ITPRIP: variants seen among roughly 807,000 people sequenced by gnomAD.
The protein encoded by ITPRIP is inositol 1,4,5-trisphosphate receptor interacting protein.
In ITPRIP, 32 loss-of-function variants were observed where a neutral mutation model predicts 35.8. The ratio of observed to expected loss-of-function variants is 0.89; its 90% CI spans 0.68 to 1.20. The LOEUF is 1.20. ITPRIP is among the 50% of genes most tolerant of loss of function. The pLI is 0.00. For missense variants in ITPRIP, 653 were observed against 735.6 expected (o/e 0.89, Z 1.30); for synonymous variants, 358 against 324.0 (o/e 1.11, Z -1.13).
intron 1 of ITPRIP, among the ~76,000 whole-genome samples, chr10:104,336,496 G>T (rs866492707): frequency 0.045 from 3,049 of 67,814 alleles, 57 homozygotes; most frequent in Non-Finnish European, 0.052. Context: ...TTTTTTTTTG[G>T]GGGGGGGGGG....
At position 104,313,800 on chromosome 10, in the gene ITPRIP, G is replaced by A. The variant is rs572465343; in HGVS notation, c.*608C>T. On this transcript the variant is annotated 3_prime_UTR_variant, in exon 2 of 2. Coordinates refer to ENST00000337478, the MANE Select transcript of ITPRIP (RefSeq NM_001272013.2). ...GTACCCATTTCCGTGTGACAGAGAC[G>A]TTAGTCATTTGGGCCTCGAATTTAT... The A allele has an allele frequency of 3.9e-5, 38 of 985,596 alleles. No homozygotes were observed. The highest frequency in any genetic ancestry group is 3.4e-4 in the East Asian group (3 of 8,820). 61.1% of individuals were successfully genotyped at this position (985,596 alleles called of 1,614,324 possible).
Position 104,328,158 on chromosome 10 carries a change from G to A in ITPRIP, c.-14+10088C>T, listed in dbSNP as rs1004764861. On this transcript the variant is annotated intron_variant, in intron 1 of 1. Transcript: ENST00000337478. The surrounding 1 kb of genome is among the most constrained non-coding windows in gnomAD (Gnocchi z 4.1). ...GCCTCTCCCACAGCCAGCCTGCAGG[G>A]GAAGGTCTCCCTCAGCCTCCAGGAT... 2.2e-6 allele frequency: 2 copies of A among 913,294 alleles called. No individual in the cohort carries two copies. The highest frequency in any genetic ancestry group is 3.6e-5 in the African/African-American group (2 of 55,694). The allele number at this position is 913,294 out of a possible 1,614,324, so 56.6% of individuals were successfully genotyped here.
At chr10:104,319,320 G>C (rs1289829745) in intron 1 of ITPRIP, among the ~76,000 whole-genome samples, 1 of 152,216 alleles carries the variant, frequency 6.6e-6, no homozygotes, top group Non-Finnish European at 1.5e-5. Flanking sequence ...GCATCTACAG[G>C]CTTCTGCTTT....
chr10:104,311,723 G>A lies in ITPRIP; in HGVS notation c.*2685C>T, dbSNP rs2013493806. 6.6e-6 allele frequency: 1 copy of A among 152,246 alleles called. No individual in the cohort carries two copies. The highest frequency in any genetic ancestry group is 6.5e-5 in the Admixed American group (1 of 15,286). The allele number at this position is 152,246 out of a possible 1,614,324, so 9.4% of individuals were successfully genotyped here. On this transcript the variant is annotated 3_prime_UTR_variant, in exon 2 of 2. Transcript: ENST00000337478. ...CAAGCATCCTTGGGAAAGAGACTCTGGGGAAAGAGGGCAGGGTTGTCCTTA... is the reference window on the plus strand; with the variant it reads ...CAAGCATCCTTGGGAAAGAGACTCTAGGGAAAGAGGGCAGGGTTGTCCTTA...
Position 104,326,147 on chromosome 10 carries a change from G to A in ITPRIP, c.-13-10083C>T, listed in dbSNP as rs1042616269. On this transcript the variant is annotated intron_variant, in intron 1 of 1. Coordinates refer to ENST00000337478, the MANE Select transcript of ITPRIP (RefSeq NM_001272013.2). The surrounding 1 kb of genome is among the most constrained non-coding windows in gnomAD (Gnocchi z 4.8). ...TTAAGTGCTCTCAAGGCCCACTCTC[G>A]GGAGAGGGAGCGGTTTCAAGAAGTC... Among the ~76,000 whole-genome samples the A allele has an allele frequency of 6.6e-6, 1 of 152,212 alleles. No individual in the cohort carries two copies. Among genetic ancestry groups the A allele is most frequent in the Admixed American group, 6.5e-5 (1 of 15,290 alleles).
At position 104,315,668 on chromosome 10, in the gene ITPRIP, G is replaced by A. The variant is rs372390974; in HGVS notation, c.384C>T (p.Gly128=). 1.1e-5 allele frequency: 18 copies of A among 1,612,134 alleles called. No homozygotes were observed. In the East Asian group the frequency reaches 3.1e-4, roughly 28 times the overall value. Residue 128 remains glycine (G), a synonymous_variant, in exon 2 of 2, where the codon GGC becomes GGT. Transcript: ENST00000337478. This position sits in a 1 kb window ranked among gnomAD's most constrained non-coding sequence, Gnocchi z 5.7. ...GCAGGGTGAGGCCCTGCAAGGGGGC[G>A]CCCCCCAGCCCAGGCAGCTCATCCT... is the stretch of plus-strand genomic sequence containing the variant. ...GEEDELPGLG[G]APLQGLTLPN...
At position 104,309,952 on chromosome 10, in the gene ITPRIP, C is replaced by G. The variant is rs1310687904; in HGVS notation, c.*4456G>C. The stretch of plus-strand genomic sequence containing the variant: ...TTTTTTAAACAACAAACTAGTTAAA[C>G]AAGCAAGCTATTTTTGGATGGCAAT... On this transcript the variant is annotated 3_prime_UTR_variant, in exon 2 of 2. Transcript: ENST00000337478. 2 of 152,158 alleles carry G rather than the reference C, an allele frequency of 1.3e-5. No individual in the cohort carries two copies. Among genetic ancestry groups the G allele is most frequent in the Non-Finnish European group, 2.9e-5 (2 of 68,018 alleles). The allele number at this position is 152,158 out of a possible 1,614,324, so 9.4% of individuals were successfully genotyped here. A position where few individuals can be genotyped will look rare whatever the true frequency, so the allele number is the denominator to read the frequency against.
chr10:104,328,205 G>A lies in ITPRIP; in HGVS notation c.-14+10041C>T, dbSNP rs775853901. On this transcript the variant is annotated intron_variant, in intron 1 of 1. Transcript: ENST00000337478. The surrounding 1 kb of genome is among the most constrained non-coding windows in gnomAD (Gnocchi z 4.1). ...GGATTCCCATCTCCGGTTTCTATGC[G>A]TGAATCACAGTGACAGCAATGCGCC... 8.8e-5 allele frequency: 87 copies of A among 984,822 alleles called. 1 individual carries two copies. In the South Asian group the frequency reaches 3.2e-3, roughly 37 times the overall value. 61.0% of individuals were successfully genotyped at this position (984,822 alleles called of 1,614,324 possible). A position where few individuals can be genotyped will look rare whatever the true frequency, so the allele number is the denominator to read the frequency against.
At chr10:104,327,638 T>A (rs971100284) in intron 1 of ITPRIP, among the ~76,000 whole-genome samples, 2 of 152,136 alleles carry the variant, frequency 1.3e-5, no homozygotes, top group African/African-American at 4.8e-5. Flanking sequence ...GAGGGACATA[T>A]GAATTAGGCC....
intron 1 of ITPRIP, among the ~76,000 whole-genome samples, chr10:104,332,853 G>T (rs886127794): frequency 6.6e-6 from 1 of 152,194 alleles, no homozygotes; most frequent in African/African-American, 2.4e-5. Context: ...TGTGAGACGG[G>T]ATTCCTATCT....
intron 1 of ITPRIP, among the ~76,000 whole-genome samples, chr10:104,319,651 C>T (rs971207383): frequency 1.3e-5 from 2 of 152,012 alleles, no homozygotes; most frequent in Non-Finnish European, 2.9e-5. Flanking sequence ...TAGGACAGGC[C>T]GAGGCAGATA....
chr10:104,315,767 G>A lies in ITPRIP; in HGVS notation c.285C>T (p.Ile95=), dbSNP rs2013658004. ...GCCACACCTCGATCATCAGGAAGAG[G>A]ATCATGCAGAGGGTGCTCCAGAGGT... ...AWDLWSTLCM[I]LFLMIEVWRQ... Residue 95 remains isoleucine, a synonymous_variant, in exon 2 of 2, where the codon ATC becomes ATT. Transcript: ENST00000337478. This position sits in a 1 kb window ranked among gnomAD's most constrained non-coding sequence, Gnocchi z 5.7. 2.5e-6 allele frequency: 4 copies of A among 1,613,978 alleles called. No homozygotes were observed. Among genetic ancestry groups the A allele is most frequent in the African/African-American group, 1.3e-5 (1 of 75,048 alleles).
At chr10:104,322,262 T>C (rs887921884) in intron 1 of ITPRIP, among the ~76,000 whole-genome samples, 3 of 152,174 alleles carry the variant, frequency 2.0e-5, no homozygotes, top group Non-Finnish European at 2.9e-5. Context: ...AGTAGGAGCA[T>C]GTGTCCGGCC....
intron 1 of ITPRIP, among the ~76,000 whole-genome samples, chr10:104,332,239 C>T (rs920169749): frequency 6.6e-6 from 1 of 151,928 alleles, no homozygotes; most frequent in African/African-American, 2.4e-5. Context: ...TTTAATAAGG[C>T]CATTCTACTT....
At chr10:104,321,900 T>C (rs1392404281) in intron 1 of ITPRIP, among the ~76,000 whole-genome samples, 1 of 152,076 alleles carries the variant, frequency 6.6e-6, no homozygotes, top group Non-Finnish European at 1.5e-5. Context: ...CTGTGCTACA[T>C]GTACGGAGCA....
At position 104,328,631 on chromosome 10, in the gene ITPRIP, G is replaced by A. The variant is rs940267148; in HGVS notation, c.-14+9615C>T. On this transcript the variant is annotated intron_variant, in intron 1 of 1. Coordinates refer to ENST00000337478, the MANE Select transcript of ITPRIP (RefSeq NM_001272013.2). The surrounding 1 kb of genome is among the most constrained non-coding windows in gnomAD (Gnocchi z 4.1). ...CAAAGCCCTCCCTTGGCCACTCCCCGCCCCCTTCCACTTTCCCCCTTTCAC... is the reference window on the plus strand; with the variant it reads ...CAAAGCCCTCCCTTGGCCACTCCCCACCCCCTTCCACTTTCCCCCTTTCAC... Among the ~76,000 whole-genome samples, 9 of 151,724 alleles carry A rather than the reference G, an allele frequency of 5.9e-5. No individual in the cohort carries two copies. The highest frequency in any genetic ancestry group is 4.2e-4 in the South Asian group (2 of 4,806).
In ITPRIP at chr10:104,313,311, T is replaced by C. The variant is rs1269683208; in HGVS notation, c.*1097A>G. 3.0e-6 allele frequency: 3 copies of C among 985,934 alleles called. No homozygotes were observed. Among genetic ancestry groups the C allele is most frequent in the African/African-American group, 3.5e-5 (2 of 57,240 alleles). 61.1% of individuals were successfully genotyped at this position (985,934 alleles called of 1,614,324 possible). A position where few individuals can be genotyped will look rare whatever the true frequency, so the allele number is the denominator to read the frequency against. Reference sequence around the variant, plus strand: ...CCAGACACCACCACCCCGGGTAGCATTTTTGAGCACCTCATCGAAGGAGTC... The same window carrying C: ...CCAGACACCACCACCCCGGGTAGCACTTTTGAGCACCTCATCGAAGGAGTC... On this transcript the variant is annotated 3_prime_UTR_variant, in exon 2 of 2. Transcript: ENST00000337478.
At chr10:104,338,006 C>T (rs538088825) in intron 1 of ITPRIP, among the ~76,000 whole-genome samples, 28 of 152,256 alleles carry the variant, frequency 1.8e-4, no homozygotes, top group Middle Eastern at 3.4e-3. Flanking sequence ...GGACGCATCC[C>T]CCGACGCGGC....
Position 104,315,985 on chromosome 10 carries a change from A to C in ITPRIP, c.67T>G (p.Phe23Val). 1.2e-6 allele frequency: 2 copies of C among 1,612,496 alleles called. No individual in the cohort carries two copies. The highest frequency in any genetic ancestry group is 1.7e-6 in the Non-Finnish European group (2 of 1,179,466). Residue 23 changes from phenylalanine (F) to valine (V), a missense_variant, in exon 2 of 2, where the codon TTC becomes GTC. By Grantham distance (50) the Phe-to-Val change is conservative. Coordinates refer to ENST00000337478, the MANE Select transcript of ITPRIP (RefSeq NM_001272013.2). This position sits in a 1 kb window ranked among gnomAD's most constrained non-coding sequence, Gnocchi z 5.7. ...GGGACTGTGGCGTTCTCCCGCGGGA[A>C]CAGCAGCGGGTGGTTGATGATGGCC... Reference protein sequence around the residue: ...VTAIINHPLLFPRENATVPEN... With the variant: ...VTAIINHPLLVPRENATVPEN...
Sources: gnomAD v4.1 joint callset for allele counts (sites outside exome capture counted in the v4.1 genomes callset) on GRCh38, gnomAD v4.1.1 for gene constraint, Gnocchi (gnomAD v3.1) non-coding constraint, MANE v1.5 for transcripts, NCBI Gene and HGNC (gene_info 2026-07-23, HGNC 2026-07-21) for gene names.